Variants in CLEC2D observed in about 807,000 individuals in gnomAD.
CLEC2D encodes the protein C-type lectin domain family 2 member D.
CLEC2D carries 16 observed loss-of-function variants against 20.0 expected under a neutral mutation model. That is an observed-to-expected ratio of 0.80 (90% CI 0.54 to 1.22). CLEC2D has a LOEUF of 1.22. Ranked by LOEUF, CLEC2D falls within the 50% of genes most tolerant of loss-of-function variation. The probability of loss-of-function intolerance (pLI) is 0.00; values close to 1 mark genes in which losing one functional copy is unlikely to be tolerated. For missense variants in CLEC2D, 207 were observed against 221.5 expected (o/e 0.93, Z 0.42); for synonymous variants, 77 against 71.1 (o/e 1.08, Z -0.42).
intron 4 of CLEC2D, chr12:9,693,146 A>G (rs1187779859): frequency 2.0e-6 from 3 of 1,473,866 alleles, no homozygotes. Context: ...ACTTGGCTCC[A>G]GGCTTATCTA....
intron 1 of CLEC2D, 101 bp downstream of exon 1, chr12:9,669,896 T>C: frequency 1.1e-6 from 1 of 872,548 alleles, no homozygotes; most frequent in Non-Finnish European, 1.8e-6. Context: ...GTAAAAAGTT[T>C]TCAAGGATAA....
intron 4 of CLEC2D, chr12:9,693,161 A>G (rs1414936797): frequency 1.5e-6 from 2 of 1,310,554 alleles, no homozygotes; most frequent in East Asian, 4.7e-5. Flanking sequence ...TATCTATGTC[A>G]TTTTCAAACA....
chr12:9,681,145 A>G (rs1233172701), intron 2 of CLEC2D, 112 bp downstream of exon 2: 2 of 622,896 alleles, frequency 3.2e-6, no homozygotes, highest in Non-Finnish European at 5.4e-6. Context: ...TTGTCTCACT[A>G]ACTGAGTTAC....
In CLEC2D at chr12:9,697,387, T is replaced by A. The variant is rs1866021746; in HGVS notation, c.*2513T>A. ...CTTTAATTCGGCCCATCCCTTCATT[T>A]CCCATAAGGGATACTTTTAGTTAAT... On this transcript the variant is annotated 3_prime_UTR_variant, in exon 5 of 5. Coordinates refer to ENST00000290855, the MANE Select transcript of CLEC2D (RefSeq NM_013269.6). 6.6e-6 allele frequency: 1 copy of A among 152,230 alleles called. No homozygotes were observed. The highest frequency in any genetic ancestry group is 1.5e-5 in the Non-Finnish European group (1 of 68,042). The allele number at this position is 152,230 out of a possible 1,614,324, so 9.4% of individuals were successfully genotyped here.
rs1210926490 is a variant in CLEC2D, at chr12:9,696,241, T to G, written c.*1367T>G. 3 of 809,402 alleles carry G rather than the reference T, an allele frequency of 3.7e-6. No individual in the cohort carries two copies. Among genetic ancestry groups the G allele is most frequent in the African/African-American group, 1.7e-5 (1 of 59,712 alleles). 50.1% of individuals were successfully genotyped at this position (809,402 alleles called of 1,614,324 possible). ...GAGGAAGTCTCTTTAAGAAAATAGTTTAAACAATTTGTTAAAAATTTTCCA... is the reference window on the plus strand; with the variant it reads ...GAGGAAGTCTCTTTAAGAAAATAGTGTAAACAATTTGTTAAAAATTTTCCA... On this transcript the variant is annotated 3_prime_UTR_variant, in exon 5 of 5. Coordinates refer to ENST00000290855, the MANE Select transcript of CLEC2D (RefSeq NM_013269.6).
At chr12:9,679,985 T>C (rs1477461959) in intron 1 of CLEC2D, among the ~76,000 whole-genome samples, 2 of 152,178 alleles carry the variant, frequency 1.3e-5, no homozygotes, top group Non-Finnish European at 1.5e-5. Flanking sequence ...ATAAACACCT[T>C]TGTTGACTCC....
chr12:9,694,132 A>G (rs1267896512), intron 4 of CLEC2D, among the ~76,000 whole-genome samples: 1 of 151,912 alleles, frequency 6.6e-6, no homozygotes, highest in African/African-American at 2.4e-5. Context: ...TATTTTAAGG[A>G]TCAAATATAT....
rs763991131 is a variant in CLEC2D at position 9,699,074 on chromosome 12, G to A, written c.*4200G>A. 10 of 152,160 alleles carry A rather than the reference G, an allele frequency of 6.6e-5. No homozygotes were observed. Among genetic ancestry groups the A allele is most frequent in the Admixed American group, 2.0e-4 (3 of 15,284 alleles). 9.4% of individuals were successfully genotyped at this position (152,160 alleles called of 1,614,324 possible). On this transcript the variant is annotated 3_prime_UTR_variant, in exon 5 of 5. Coordinates refer to ENST00000290855, the MANE Select transcript of CLEC2D (RefSeq NM_013269.6). ...CTTCTCTGCAAGCCCAGTAGACTTT[G>A]TCCCAGGCCATTTATGTGATCTTCA...
intron 2 of CLEC2D, among the ~76,000 whole-genome samples, chr12:9,685,115 G>A (rs1327780223): frequency 6.6e-6 from 1 of 152,180 alleles, no homozygotes; most frequent in Non-Finnish European, 1.5e-5. Flanking sequence ...TTGGGAGGGT[G>A]TATGTGTCCA....
chr12:9,679,093 T>C (rs1865581834), intron 1 of CLEC2D, among the ~76,000 whole-genome samples: 1 of 152,146 alleles, frequency 6.6e-6, no homozygotes, highest in South Asian at 2.1e-4. Context: ...ATTTCTGTTA[T>C]TTATTTTATT....
chr12:9,669,814 C>T lies in CLEC2D; in HGVS notation c.61+19C>T, dbSNP rs1316233651. ...AACCCAGGTAAGAAGCTGGGCTCTA[C>T]AGAGTAAGTGTGAGGACTGGAATGG... On this transcript the variant is annotated intron_variant, in intron 1 of 4. Transcript: ENST00000290855. 1.9e-6 allele frequency: 3 copies of T among 1,591,914 alleles called. No individual in the cohort carries two copies. The highest frequency in any genetic ancestry group is 1.4e-5 in the African/African-American group (1 of 74,034).
At chr12:9,688,873 A>G (rs1865809136) in intron 3 of CLEC2D, among the ~76,000 whole-genome samples, 1 of 152,224 alleles carries the variant, frequency 6.6e-6, no homozygotes, top group South Asian at 2.1e-4. Context: ...AGTCTAGTTA[A>G]ACACTGGAAG....
chr12:9,680,492 A>G (rs896951909), intron 1 of CLEC2D, among the ~76,000 whole-genome samples: 23 of 152,192 alleles, frequency 1.5e-4, no homozygotes, highest in African/African-American at 5.3e-4. Flanking sequence ...TAATCACTTT[A>G]TCACTCCAGT....
chr12:9,686,252 A>G (rs1286377763), intron 2 of CLEC2D, among the ~76,000 whole-genome samples: 2 of 151,792 alleles, frequency 1.3e-5, no homozygotes, highest in African/African-American at 2.4e-5. Flanking sequence ...TGCCTTCTGC[A>G]TTGGTCTCAC....
chr12:9,681,664 A>C (rs1865637810), intron 2 of CLEC2D, among the ~76,000 whole-genome samples: 1 of 152,180 alleles, frequency 6.6e-6, no homozygotes, highest in Admixed American at 6.5e-5. Context: ...CCCAAACCTC[A>C]TGCCAATCTG....
intron 3 of CLEC2D, among the ~76,000 whole-genome samples, chr12:9,691,342 C>T (rs941238727): frequency 2.0e-5 from 3 of 152,042 alleles, no homozygotes; most frequent in African/African-American, 7.2e-5. Context: ...CCACTTTCAA[C>T]ATGAGATTAA....
rs911398050 is a variant in CLEC2D at position 9,697,821 on chromosome 12, A to G, written c.*2947A>G. ...CAAAAGATACAGAGTTGCAGTTACAAAGGGTGAGTATGTCTAGATATCTAA... is the reference window on the plus strand; with the variant it reads ...CAAAAGATACAGAGTTGCAGTTACAGAGGGTGAGTATGTCTAGATATCTAA... On this transcript the variant is annotated 3_prime_UTR_variant, in exon 5 of 5. Transcript: ENST00000290855. 1 of 152,184 alleles carries G rather than the reference A, an allele frequency of 6.6e-6. No homozygotes were observed. Among genetic ancestry groups the G allele is most frequent in the Admixed American group, 6.5e-5 (1 of 15,268 alleles). The allele number at this position is 152,184 out of a possible 1,614,324, so 9.4% of individuals were successfully genotyped here.
At chr12:9,674,729 A>G (rs1175705959) in intron 1 of CLEC2D, among the ~76,000 whole-genome samples, 2 of 152,354 alleles carry the variant, frequency 1.3e-5, no homozygotes, top group Admixed American at 6.5e-5. Flanking sequence ...TTAACTTGCA[A>G]TTCTCAAAAG....
At chr12:9,673,346 T>A (rs1474572656) in intron 1 of CLEC2D, among the ~76,000 whole-genome samples, 2 of 152,256 alleles carry the variant, frequency 1.3e-5, no homozygotes, top group African/African-American at 4.8e-5. Context: ...TGCAGTTTGC[T>A]GGGGATCCAC....
Sources: gnomAD v4.1 joint callset for allele counts (sites outside exome capture counted in the v4.1 genomes callset) on GRCh38, gnomAD v4.1.1 for gene constraint, MANE v1.5 for transcripts, NCBI Gene and HGNC (gene_info 2026-07-23, HGNC 2026-07-21) for gene names.